FBN2: variants seen among roughly 807,000 people sequenced by gnomAD.
The protein encoded by FBN2 is fibrillin-2.
In FBN2, 105 loss-of-function variants were observed where a neutral mutation model predicts 355.6. That is an observed-to-expected ratio of 0.30 (90% confidence interval 0.25 to 0.35). The LOEUF (loss-of-function observed/expected upper bound fraction) is 0.35, where lower values mean the gene tolerates loss of function less well. Among genes scored for constraint, FBN2 ranks in the 10% least tolerant of loss-of-function variants. The pLI, the probability that FBN2 is intolerant of heterozygous loss-of-function variation, is 1.00. For synonymous variants in FBN2, 1,350 were observed against 1,301.2 expected, an observed-to-expected ratio of 1.04 and a Z score of -0.81; for missense variants, 3,280 against 3,758.7, an observed-to-expected ratio of 0.87 and a Z score of 3.33.
intron 48 of FBN2, among the ~76,000 whole-genome samples, chr5:128,293,246 C>A (rs1450607182): frequency 1.3e-5 from 2 of 151,994 alleles, no homozygotes; most frequent in Non-Finnish European, 2.9e-5. Context: ...TTTTTTCACA[C>A]TTTGGGAGGC....
At chr5:128,397,371 A>C (rs1752676702) in intron 8 of FBN2, among the ~76,000 whole-genome samples, 1 of 152,234 alleles carries the variant, frequency 6.6e-6, no homozygotes, top group African/African-American at 2.4e-5. Context: ...TCAGTGCTAC[A>C]AGTTAGGATG....
chr5:128,264,305 A>T (rs1697035214), intron 62 of FBN2, among the ~76,000 whole-genome samples: 1 of 149,926 alleles, frequency 6.7e-6, no homozygotes, highest in Non-Finnish European at 1.5e-5. Flanking sequence ...AAAACGATGG[A>T]AAACAACACT....
intron 7 of FBN2, among the ~76,000 whole-genome samples, chr5:128,417,998 C>G (rs1411905732): frequency 1.3e-5 from 2 of 152,030 alleles, no homozygotes; most frequent in Admixed American, 1.3e-4. Flanking sequence ...CTGATTAAGT[C>G]TTATTGCTTA....
chr5:128,492,618 C>T (rs1398817534), intron 5 of FBN2, among the ~76,000 whole-genome samples: 2 of 151,938 alleles, frequency 1.3e-5, no homozygotes, highest in Admixed American at 6.6e-5. Context: ...GCCTTGCCAA[C>T]ATGGCTAGAC....
Position 128,289,889 on chromosome 5 carries a change from T to C in FBN2, c.6504A>G (p.Thr2168=). The change falls in exon 51 of 65, where the codon ACA becomes ACG. Residue 2168 remains threonine (T), a synonymous_variant. Coordinates refer to ENST00000262464, the MANE Select transcript of FBN2 (RefSeq NM_001999.4). The stretch of plus-strand genomic sequence containing the variant: ...AAATATATCAAAGCGTACCTTCACG[T>C]GTATCATGAAGACTAGGGACAGTTC... ...GHGTVPSLHD[T]REDVNECLES... is the part of the protein sequence containing the mutation. 1 of 1,572,416 alleles carries C rather than the reference T, an allele frequency of 6.4e-7. No individual in the cohort carries two copies.
At chr5:128,314,842 T>C (rs1374121339) in intron 36 of FBN2, among the ~76,000 whole-genome samples, 1 of 152,192 alleles carries the variant, frequency 6.6e-6, no homozygotes, top group Non-Finnish European at 1.5e-5. Flanking sequence ...TCTCATTTCA[T>C]TTTTATAACT....
chr5:128,314,614 C>T (rs890026940), intron 36 of FBN2, among the ~76,000 whole-genome samples: 1 of 152,178 alleles, frequency 6.6e-6, no homozygotes, highest in Non-Finnish European at 1.5e-5. Flanking sequence ...CCACGCCCAG[C>T]CTAATTAGGT....
chr5:128,301,883 C>G (rs1581200607), intron 46 of FBN2, among the ~76,000 whole-genome samples: 1 of 152,092 alleles, frequency 6.6e-6, no homozygotes, highest in Non-Finnish European at 1.5e-5. Flanking sequence ...TTTGCATATA[C>G]TTTACCTGGA....
chr5:128,367,869 C>CTT lies in FBN2; in HGVS notation c.2248+1311_2248+1312dup, dbSNP rs34350133. On this transcript the variant is annotated intron_variant, in intron 16 of 64. Coordinates refer to ENST00000262464, the MANE Select transcript of FBN2 (RefSeq NM_001999.4). The stretch of plus-strand genomic sequence containing the variant: ...GAACTACGTTCTCCTCATTATTTTT[C>CTT]TTTTTTTTTTAAAAAAAGTCACACT... Among the ~76,000 whole-genome samples the CTT allele has an allele frequency of 7.7e-3, 1,149 of 149,084 alleles. 8 individuals are homozygous for CTT. The highest frequency in any genetic ancestry group is 0.012 in the Non-Finnish European group (801 of 66,980).
At chr5:128,286,348 A>T (rs923323198) in intron 55 of FBN2, among the ~76,000 whole-genome samples, 1 of 152,198 alleles carries the variant, frequency 6.6e-6, no homozygotes, top group East Asian at 1.9e-4. Flanking sequence ...ACCTCAGACT[A>T]GTTACTTCTA....
At chr5:128,299,379 CTGCTT>C (rs1480725886) in intron 48 of FBN2, among the ~76,000 whole-genome samples, 1 of 149,436 alleles carries the variant, frequency 6.7e-6, no homozygotes, top group African/African-American at 2.5e-5. Context: ...AGCTTCCGGG[CTGCTT>C]TGTTTACCTA....
chr5:128,270,870 A>C (rs1482491150), intron 62 of FBN2, among the ~76,000 whole-genome samples: 2 of 152,230 alleles, frequency 1.3e-5, no homozygotes, highest in Non-Finnish European at 2.9e-5. Flanking sequence ...GAGGAAAAAA[A>C]AGTGAATTAA....
In FBN2 at chr5:128,287,996, C is replaced by T. The variant is rs368186809; in HGVS notation, c.6757+442G>A. Among the ~76,000 whole-genome samples, 20 of 152,268 alleles carry T rather than the reference C, an allele frequency of 1.3e-4. No homozygotes were observed. The South Asian group carries it at 2.9e-3, about 22-fold the overall frequency. ...TTTAAAGAACTGACAGATGAGCCAC[C>T]GCCCTTCTGAGGCCTGAGGGTCTGC... On this transcript the variant is annotated intron_variant, in intron 53 of 64. Coordinates refer to ENST00000262464, the MANE Select transcript of FBN2 (RefSeq NM_001999.4).
chr5:128,361,489 A>G (rs1751636471), intron 19 of FBN2, among the ~76,000 whole-genome samples: 1 of 152,338 alleles, frequency 6.6e-6, no homozygotes, highest in South Asian at 2.1e-4. Flanking sequence ...CCGCTTTAAA[A>G]TGTTTGTTCC....
intron 5 of FBN2, among the ~76,000 whole-genome samples, chr5:128,518,228 G>A (rs1195473269): frequency 6.6e-6 from 1 of 152,066 alleles, no homozygotes. Context: ...ACACTCTCTA[G>A]AATCCTTGAA....
rs1004880214 is a variant in FBN2 at position 128,259,239 on chromosome 5, T to C, written c.*216A>G. Reference sequence around the variant, plus strand: ...TTTTAAAATGAAGTTATATAAAAAATACAGTAACCACGGTTGCCTTTGTGC... The same window carrying C: ...TTTTAAAATGAAGTTATATAAAAAACACAGTAACCACGGTTGCCTTTGTGC... On this transcript the variant is annotated 3_prime_UTR_variant, in exon 65 of 65. Transcript: ENST00000262464. 2 of 574,764 alleles carry C rather than the reference T, an allele frequency of 3.5e-6. No homozygotes were observed. Among genetic ancestry groups the C allele is most frequent in the African/African-American group, 1.9e-5 (1 of 53,546 alleles). 35.6% of individuals were successfully genotyped at this position (574,764 alleles called of 1,614,324 possible). A position where few individuals can be genotyped will look rare whatever the true frequency, so the allele number is the denominator to read the frequency against.
At chr5:128,259,912 T>C (rs1317540239) in intron 64 of FBN2, 83 bp from the exon 65 acceptor site, 98 of 1,458,622 alleles carry the variant, frequency 6.7e-5, no homozygotes, top group Non-Finnish European at 9.1e-5. Context: ...GCAGGGGCTT[T>C]GGTCACGAGG....
Position 128,345,414 on chromosome 5 carries a change from G to C in FBN2, c.3160C>G (p.Arg1054Gly). The change falls in exon 24 of 65, where the codon CGC becomes GGC. Residue 1054 changes from arginine to glycine, a missense_variant. Coordinates refer to ENST00000262464, the MANE Select transcript of FBN2 (RefSeq NM_001999.4). ...CCTCGGTTAGCAAAGCCAGCCCCGC[G>C]GGGGCACAGCGTCTCGTATTCCTTG... is the stretch of plus-strand genomic sequence containing the variant. ...GTKEYETLCPRGAGFANRGDV... is the reference protein window; with the variant it reads ...GTKEYETLCPGGAGFANRGDV... The C allele has an allele frequency of 6.2e-7, 1 of 1,614,072 alleles. No homozygotes were observed. Among genetic ancestry groups the C allele is most frequent in the Non-Finnish European group, 8.5e-7 (1 of 1,179,992 alleles).
intron 5 of FBN2, among the ~76,000 whole-genome samples, chr5:128,510,695 T>C (rs902145770): frequency 2.6e-5 from 4 of 152,168 alleles, no homozygotes; most frequent in African/African-American, 9.7e-5. Context: ...GAAATACATA[T>C]ATATGTGTGT....
Sources: gnomAD v4.1 joint callset for allele counts (sites outside exome capture counted in the v4.1 genomes callset) on GRCh38, gnomAD v4.1.1 for gene constraint, MANE v1.5 for transcripts, NCBI Gene and HGNC (gene_info 2026-07-23, HGNC 2026-07-21) for gene names.